COLGALT2: variants seen among roughly 807,000 people sequenced by gnomAD.
COLGALT2 encodes the protein collagen beta(1-O)galactosyltransferase 2.
In COLGALT2, 49 loss-of-function variants were observed where a neutral mutation model predicts 73.4. The ratio of observed to expected loss-of-function variants is 0.67; its 90% CI spans 0.53 to 0.85. The LOEUF is 0.85. Ranked by LOEUF, COLGALT2 falls within the 40% of genes least tolerant of loss-of-function variation. The pLI is 0.00. For missense variants in COLGALT2, 722 were observed against 790.2 expected (o/e 0.91, Z 1.03); for synonymous variants, 295 against 307.6 (o/e 0.96, Z 0.43).
chr1:183,953,929 G>A (rs1670481223), intron 7 of COLGALT2, among the ~76,000 whole-genome samples: 2 of 152,274 alleles, frequency 1.3e-5, no homozygotes, highest in Admixed American at 6.5e-5. Context: ...ATCTTCCTTC[G>A]ATTAATCAGT....
intron 4 of COLGALT2, among the ~76,000 whole-genome samples, chr1:183,972,760 C>CGG (rs1558320358): frequency 1.3e-5 from 2 of 151,128 alleles, no homozygotes; most frequent in Non-Finnish European, 2.9e-5. Context: ...AGCGCAGTGG[C>CGG]GCGACCTCGG....
At chr1:183,943,770 G>A (rs539820407) in intron 10 of COLGALT2, among the ~76,000 whole-genome samples, 1 of 152,292 alleles carries the variant, frequency 6.6e-6, no homozygotes, top group South Asian at 2.1e-4. Flanking sequence ...AAGCTGCAGA[G>A]GCAACCTGCT....
chr1:184,002,145 A>G (rs535474787), intron 1 of COLGALT2, among the ~76,000 whole-genome samples: 2 of 152,254 alleles, frequency 1.3e-5, no homozygotes, highest in Non-Finnish European at 2.9e-5. Context: ...TGCTCACTGT[A>G]CATCCATCCT....
In COLGALT2 at chr1:183,948,447, C is replaced by G. The variant is rs575498823; in HGVS notation, c.1136+2560G>C. On this transcript the variant is annotated intron_variant, in intron 8 of 11. Transcript: ENST00000361927. Reference sequence around the variant, plus strand: ...AACATGTGAAAACCAATCAAAGTAACGTACCATATTAACAGGCAAAAGTCA... The same window carrying G: ...AACATGTGAAAACCAATCAAAGTAAGGTACCATATTAACAGGCAAAAGTCA... 2.6e-5 allele frequency among the ~76,000 whole-genome samples: 4 copies of G among 152,256 alleles called. No homozygotes were observed. In the Middle Eastern group the frequency reaches 0.01, roughly 388 times the overall value.
At chr1:183,959,353 C>T (rs1670635573) in intron 6 of COLGALT2, among the ~76,000 whole-genome samples, 1 of 152,178 alleles carries the variant, frequency 6.6e-6, no homozygotes. Flanking sequence ...CTATCTTCTG[C>T]CTTTCTATTT....
At chr1:184,023,099 G>T (rs1649225441) in intron 1 of COLGALT2, among the ~76,000 whole-genome samples, 1 of 152,170 alleles carries the variant, frequency 6.6e-6, no homozygotes, top group African/African-American at 2.4e-5. Context: ...TTTGATTTTA[G>T]AAACTAAACC....
chr1:183,963,757 A>G, intron 6 of COLGALT2, 144 bp downstream of exon 6: 1 of 911,432 alleles, frequency 1.1e-6, no homozygotes, highest in East Asian at 2.8e-5. Flanking sequence ...AATTTAGGAA[A>G]GAATGAACAA....
At chr1:184,034,115 T>C (rs577151599) in intron 1 of COLGALT2, among the ~76,000 whole-genome samples, 1 of 152,084 alleles carries the variant, frequency 6.6e-6, no homozygotes, top group Non-Finnish European at 1.5e-5. Flanking sequence ...GAGTGTTATA[T>C]CTCATAAGCT....
chr1:183,980,465 A>G (rs1208907539), intron 1 of COLGALT2, among the ~76,000 whole-genome samples: 1 of 152,140 alleles, frequency 6.6e-6, no homozygotes, highest in East Asian at 1.9e-4. Flanking sequence ...GATAAATTTG[A>G]AAACTAAATA....
chr1:184,016,181 C>T (rs1017886787), intron 1 of COLGALT2, among the ~76,000 whole-genome samples: 3 of 152,126 alleles, frequency 2.0e-5, no homozygotes, highest in Non-Finnish European at 4.4e-5. Context: ...TATAAATTAT[C>T]AGTCACTAAA....
chr1:183,958,821 C>T (rs1670620769), intron 6 of COLGALT2, among the ~76,000 whole-genome samples: 1 of 151,232 alleles, frequency 6.6e-6, no homozygotes, highest in Non-Finnish European at 1.5e-5. Context: ...ATACTGGATC[C>T]TTGTGACTGG....
intron 1 of COLGALT2, among the ~76,000 whole-genome samples, chr1:183,997,757 T>C (rs542979369): frequency 1.3e-5 from 2 of 152,358 alleles, no homozygotes; most frequent in Admixed American, 1.3e-4. Context: ...TTTTGAACTT[T>C]ATATAAATAG....
intron 1 of COLGALT2, among the ~76,000 whole-genome samples, chr1:184,020,674 A>G (rs1169398427): frequency 6.6e-6 from 1 of 152,116 alleles, no homozygotes; most frequent in African/African-American, 2.4e-5. Context: ...TCTCCTTAAC[A>G]CATCTTTTGA....
chr1:183,934,118 C>G (rs534716454), downstream of COLGALT2, among the ~76,000 whole-genome samples: 1 of 152,302 alleles, frequency 6.6e-6, no homozygotes, highest in South Asian at 2.1e-4. Flanking sequence ...TTTAATGGAG[C>G]CATTCCACCA....
chr1:183,932,586 A>T (rs1669869637), downstream of COLGALT2, among the ~76,000 whole-genome samples: 1 of 152,050 alleles, frequency 6.6e-6, no homozygotes, highest in Non-Finnish European at 1.5e-5. Flanking sequence ...CTGGGGAGAG[A>T]CTGACTCACG....
At chr1:183,930,569 C>CTTTCTTTTTT (rs1669822947) in intron 11 of COLGALT2, among the ~76,000 whole-genome samples, 8 of 114,062 alleles carry the variant, frequency 7.0e-5, no homozygotes, top group Non-Finnish European at 6.9e-5. Context: ...TTTTCTTTTT[C>CTTTCTTTTTT]TTTTTTTTTT....
intron 1 of COLGALT2, among the ~76,000 whole-genome samples, chr1:184,012,496 T>C (rs1648841628): frequency 6.6e-6 from 1 of 152,236 alleles, no homozygotes; most frequent in Non-Finnish European, 1.5e-5. Context: ...ATAATAAGTA[T>C]GGATGACTCT....
At chr1:184,026,644 T>C (rs1219557652) in intron 1 of COLGALT2, among the ~76,000 whole-genome samples, 1 of 152,176 alleles carries the variant, frequency 6.6e-6, no homozygotes, top group Non-Finnish European at 1.5e-5. Context: ...TGTAATATCA[T>C]GTAATTAAGG....
At chr1:183,966,522 C>T (rs1670876641) in intron 5 of COLGALT2, among the ~76,000 whole-genome samples, 1 of 152,182 alleles carries the variant, frequency 6.6e-6, no homozygotes, top group African/African-American at 2.4e-5. Flanking sequence ...GTGCTTTCTA[C>T]CCAGTCAGTA....
Sources: allele counts gnomAD v4.1 joint callset (sites outside exome capture counted in the v4.1 genomes callset), GRCh38; gene constraint gnomAD v4.1.1; transcripts MANE v1.5; gene names NCBI Gene and HGNC (gene_info 2026-07-23, HGNC 2026-07-21).